The following FOCAD variants were observed in gnomAD, a reference collection of about 807,000 sequenced individuals.
The protein encoded by FOCAD is focadhesin, also known as KIAA1797.
In FOCAD, 198 loss-of-function variants were observed where a neutral mutation model predicts 225.6. That is an observed-to-expected ratio of 0.88 (90% confidence interval 0.78 to 0.99). FOCAD has a LOEUF of 0.99. FOCAD is among the 50% of genes least tolerant of loss of function. The pLI is 0.00. For missense variants in FOCAD, 2,713 were observed against 2,123.6 expected, an observed-to-expected ratio of 1.28 and a Z score of -5.46; for synonymous variants, 897 against 755.0, an observed-to-expected ratio of 1.19 and a Z score of -3.08.
At chr9:20,871,765 G>T (rs1829792740) in intron 18 of FOCAD, among the ~76,000 whole-genome samples, 1 of 117,354 alleles carries the variant, frequency 8.5e-6, no homozygotes. Context: ...TTGTGGGGTG[G>T]GGGGTGGGGG....
At chr9:20,895,996 G>A (rs1035778676) in intron 21 of FOCAD, among the ~76,000 whole-genome samples, 7 of 151,690 alleles carry the variant, frequency 4.6e-5, no homozygotes, top group Admixed American at 3.9e-4. Flanking sequence ...TGATGTTAAC[G>A]GTGGGTGTTT....
chr9:20,720,632 AGTT>A (rs1289011149), intron 4 of FOCAD, 98 bp downstream of exon 4: 6 of 1,249,358 alleles, frequency 4.8e-6, no homozygotes, highest in Non-Finnish European at 6.7e-6. Flanking sequence ...CCTACTTGCC[AGTT>A]GTTTTTCTTG....
In FOCAD at chr9:20,799,802, A is replaced by G. The variant is rs958699135; in HGVS notation, c.1455+10194A>G. Among the ~76,000 whole-genome samples the G allele has an allele frequency of 2.6e-5, 4 of 151,998 alleles. 1 individual carries two copies. In the East Asian group the frequency reaches 5.8e-4, roughly 22 times the overall value. ...CTGATGGTTCTTGACTCTTTATCCA[A>G]TTTGCCACTCTGTGTCTTTTAATTG... On this transcript the variant is annotated intron_variant, in intron 11 of 43. Transcript: ENST00000338382.
At chr9:20,814,157 T>C (rs1216568395) in intron 11 of FOCAD, among the ~76,000 whole-genome samples, 2 of 152,178 alleles carry the variant, frequency 1.3e-5, no homozygotes, top group Non-Finnish European at 2.9e-5. Context: ...TGTATGTCTT[T>C]GATTGAGCAG....
At chr9:20,888,255 C>T (rs1371493240) in intron 21 of FOCAD, among the ~76,000 whole-genome samples, 1 of 151,284 alleles carries the variant, frequency 6.6e-6, no homozygotes, top group East Asian at 2.0e-4. Flanking sequence ...TCTCCCACCT[C>T]AGTCTCCTAA....
intron 35 of FOCAD, among the ~76,000 whole-genome samples, chr9:20,966,027 A>G (rs1204035609): frequency 1.3e-5 from 2 of 151,974 alleles, no homozygotes; most frequent in East Asian, 1.9e-4. Context: ...CCTTTTTTCA[A>G]TTCTCTTGGT....
chr9:20,967,738 GC>G (rs1839393619), intron 35 of FOCAD, among the ~76,000 whole-genome samples: 1 of 151,980 alleles, frequency 6.6e-6, no homozygotes, highest in South Asian at 2.1e-4. Flanking sequence ...AGTCCTGCGG[GC>G]TTTTTTCCTT....
chr9:20,715,228 T>C, intron 1 of FOCAD, 94 bp from the exon 2 acceptor site: 1 of 478,124 alleles, frequency 2.1e-6, no homozygotes. Context: ...ATCTTTGGAA[T>C]GGATTACATT....
chr9:20,878,835 T>G (rs1830441475), intron 19 of FOCAD, among the ~76,000 whole-genome samples: 1 of 152,152 alleles, frequency 6.6e-6, no homozygotes, highest in Non-Finnish European at 1.5e-5. Flanking sequence ...ACTCTCAATC[T>G]GAGGCCAAAA....
At chr9:20,708,483 G>T (rs945719234) in intron 1 of FOCAD, among the ~76,000 whole-genome samples, 1 of 152,030 alleles carries the variant, frequency 6.6e-6, no homozygotes, top group Non-Finnish European at 1.5e-5. Flanking sequence ...AATGTACTCT[G>T]GGCTGGATGT....
At chr9:20,794,811 G>C (rs1318695964) in intron 11 of FOCAD, among the ~76,000 whole-genome samples, 1 of 151,910 alleles carries the variant, frequency 6.6e-6, no homozygotes, top group Non-Finnish European at 1.5e-5. Context: ...AACTAATTTT[G>C]AACCTGGCAT....
chr9:20,919,659 A>T (rs1025976845), intron 24 of FOCAD, among the ~76,000 whole-genome samples: 8 of 152,232 alleles, frequency 5.3e-5, no homozygotes, highest in African/African-American at 1.9e-4. Flanking sequence ...ATAACACCGC[A>T]TATCTACAAC....
intron 1 of FOCAD, among the ~76,000 whole-genome samples, chr9:20,699,737 CAAAAAAAAAAAAAAAAAAAAAA>C (rs71334546): frequency 7.2e-4 from 29 of 40,548 alleles, no homozygotes; most frequent in East Asian, 3.4e-3. Flanking sequence ...GACTCCGTCT[CAAAAAAAAAAAAAAAAAAAAAA>C]AAAAAAAAAA....
At chr9:20,694,301 T>C (rs979705228) in intron 1 of FOCAD, among the ~76,000 whole-genome samples, 2 of 152,232 alleles carry the variant, frequency 1.3e-5, no homozygotes, top group Admixed American at 1.3e-4. Flanking sequence ...ATAAGAGAAG[T>C]GTTTTATTAT....
chr9:20,805,784 A>G (rs1822376668), intron 11 of FOCAD, among the ~76,000 whole-genome samples: 1 of 152,218 alleles, frequency 6.6e-6, no homozygotes, highest in Non-Finnish European at 1.5e-5. Flanking sequence ...GAAAGGGGAT[A>G]CGTTGTCAGA....
At chr9:20,874,118 C>T (rs1389800957) in intron 18 of FOCAD, 1 of 152,088 alleles carries the variant, frequency 6.6e-6, no homozygotes, top group East Asian at 1.9e-4. Context: ...TGTACAGCTA[C>T]CAATTACAGA....
chr9:20,787,095 CAAAT>C lies in FOCAD; in HGVS notation c.1198-2252_1198-2249del, dbSNP rs932936120. 1.8e-3 allele frequency: 514 copies of C among 280,434 alleles called. 1 individual carries two copies. The highest frequency in any genetic ancestry group is 6.0e-3 in the South Asian group (183 of 30,464). 17.4% of individuals were successfully genotyped at this position (280,434 alleles called of 1,614,324 possible). A position where few individuals can be genotyped will look rare whatever the true frequency, so the allele number is the denominator to read the frequency against. ...AACCTTAGGCAAACAAACAAACAAA[CAAAT>C]AAACAAACAAACTTAAGAGCCTAAA... On this transcript the variant is annotated intron_variant, in intron 10 of 43. Transcript: ENST00000338382.
intron 11 of FOCAD, among the ~76,000 whole-genome samples, chr9:20,804,080 G>T (rs1279854475): frequency 3.3e-5 from 5 of 152,080 alleles, no homozygotes; most frequent in African/African-American, 1.2e-4. Flanking sequence ...GAGATTGCCA[G>T]AAGGTGGGTT....
Position 20,807,276 on chromosome 9 carries a change from A to G in FOCAD, c.1456-12520A>G, listed in dbSNP as rs141789053. 2.5e-3 allele frequency among the ~76,000 whole-genome samples: 376 copies of G among 152,326 alleles called. 3 individuals carry two copies. The highest frequency in any genetic ancestry group is 8.8e-3 in the African/African-American group (366 of 41,592). On this transcript the variant is annotated intron_variant, in intron 11 of 43. Transcript: ENST00000338382. ...TGTTCCTTGCCCCTCTGGGGCTATC[A>G]TCATATTTTATTCTCCAAGTGCATC... is the stretch of plus-strand genomic sequence containing the variant.
Sources: gnomAD v4.1 joint callset for allele counts (sites outside exome capture counted in the v4.1 genomes callset) on GRCh38, gnomAD v4.1.1 for gene constraint, MANE v1.5 for transcripts, NCBI Gene and HGNC (gene_info 2026-07-23, HGNC 2026-07-21) for gene names.